TECPR2: variants seen among roughly 807,000 people sequenced by gnomAD.
TECPR2 encodes the protein tectonin beta-propeller repeat containing 2, also known as tectonin beta-propeller repeat-containing protein 2.
Under a neutral mutation model 138.1 loss-of-function variants are expected in TECPR2, and 65 were observed. The ratio of observed to expected loss-of-function variants is 0.47; its 90% confidence interval spans 0.39 to 0.58. TECPR2 has a LOEUF of 0.58. TECPR2 is among the 20% of genes least tolerant of loss of function. The probability of loss-of-function intolerance (pLI) is 0.00; values close to 1 mark genes in which losing one functional copy is unlikely to be tolerated. For synonymous variants in TECPR2, 746 were observed against 749.8 expected (o/e 0.99, Z 0.08); for missense variants, 1,553 against 1,824.5 (o/e 0.85, Z 2.71).
At chr14:102,433,330 T>C (rs1355067161) in intron 8 of TECPR2, among the ~76,000 whole-genome samples, 2 of 152,038 alleles carry the variant, frequency 1.3e-5, no homozygotes, top group Non-Finnish European at 2.9e-5. Context: ...AGGTCCACAG[T>C]GTCTGTCCTT....
In TECPR2 at chr14:102,414,786, A is replaced by C; in HGVS notation, c.631A>C (p.Arg211=). 1.2e-6 allele frequency: 2 copies of C among 1,614,120 alleles called. No individual in the cohort carries two copies. Among genetic ancestry groups the C allele is most frequent in the African/African-American group, 2.7e-5 (2 of 75,052 alleles). ...TGTAAGGCAAATTGGAACACAACCA[A>C]GGAAAAGGTAAGTTTCACAAGTTTG... ...KSVRQIGTQP[R]KSTGKFGACF... is the part of the protein sequence containing the mutation. The change falls in exon 5 of 20, where the codon AGG becomes CGG. Residue 211 remains arginine, a synonymous_variant. Transcript: ENST00000359520.
At position 102,420,499 on chromosome 14, in the gene TECPR2, G is replaced by T. The variant is rs1480690672; in HGVS notation, c.639-4480G>T. On this transcript the variant is annotated intron_variant, in intron 5 of 19. Coordinates refer to ENST00000359520, the MANE Select transcript of TECPR2 (RefSeq NM_014844.5). This position sits in a 1 kb window ranked among gnomAD's most constrained non-coding sequence, Gnocchi z 4.1. ...GTTCTTTTTATTTTTTAGAGACAGG[G>T]TCTTGCTGTGTCACCAAGGCTGGGG... 1.3e-5 allele frequency among the ~76,000 whole-genome samples: 2 copies of T among 152,052 alleles called. No homozygotes were observed. The highest frequency in any genetic ancestry group is 1.9e-4 in the East Asian group (1 of 5,188).
chr14:102,432,521 A>G (rs1190543), intron 8 of TECPR2, among the ~76,000 whole-genome samples: 111,418 of 151,796 alleles, frequency 0.73, 41,294 homozygotes, highest in Middle Eastern at 0.78. Flanking sequence ...GAGTTCAAGC[A>G]ATTCTCCTGC....
chr14:102,449,797 G>A lies in TECPR2; in HGVS notation c.3244G>A (p.Gly1082Arg), dbSNP rs757779474. The A allele has an allele frequency of 3.6e-5, 58 of 1,614,070 alleles. No individual in the cohort carries two copies. Among genetic ancestry groups the A allele is most frequent in the Non-Finnish European group, 4.6e-5 (54 of 1,180,052 alleles). ...GCTTCAGTGCCAGCCAAGCCTTCTC[G>A]GGGTCAATAACAGCGGTGTCTGGAT... Reference protein sequence around the residue: ...QQLQCQPSLLGVNNSGVWISS... With the variant: ...QQLQCQPSLLRVNNSGVWISS... Residue 1082 changes from glycine to arginine, a missense_variant, in exon 14 of 20, where the codon GGG (glycine) becomes AGG (arginine). By Grantham distance (125) the Gly-to-Arg change is moderately radical. Transcript: ENST00000359520.
chr14:102,381,196 G>A (rs1887804631), intron 2 of TECPR2, among the ~76,000 whole-genome samples: 1 of 151,712 alleles, frequency 6.6e-6, no homozygotes, highest in Non-Finnish European at 1.5e-5. Context: ...CCTGATGTCA[G>A]GTGATCCACT....
At chr14:102,464,758 A>AT (rs1215336869) in intron 16 of TECPR2, among the ~76,000 whole-genome samples, 1 of 152,196 alleles carries the variant, frequency 6.6e-6, no homozygotes, top group Non-Finnish European at 1.5e-5. Flanking sequence ...ATTTGCTGGC[A>AT]TTAGTCACAT....
intron 1 of TECPR2, among the ~76,000 whole-genome samples, chr14:102,373,437 T>G (rs1470618461): frequency 6.6e-6 from 1 of 152,216 alleles, no homozygotes; most frequent in Non-Finnish European, 1.5e-5. Flanking sequence ...TAAAATAGGC[T>G]TTGATTAGAT....
rs1045748934 is a variant in TECPR2 at position 102,501,167 on chromosome 14, A to C, written c.*2910A>C. On this transcript the variant is annotated 3_prime_UTR_variant, in exon 20 of 20. Transcript: ENST00000359520. Reference sequence around the variant, plus strand: ...GGGAGCAGAATGGAGAGGGCATCTCAGATGCGCTTAAGGAGCGGCGGGGGC... The same window carrying C: ...GGGAGCAGAATGGAGAGGGCATCTCCGATGCGCTTAAGGAGCGGCGGGGGC... 1 of 152,200 alleles carries C rather than the reference A, an allele frequency of 6.6e-6. No homozygotes were observed. Among genetic ancestry groups the C allele is most frequent in the African/African-American group, 2.4e-5 (1 of 41,446 alleles). 9.4% of individuals were successfully genotyped at this position (152,200 alleles called of 1,614,324 possible).
At chr14:102,453,479 CAA>C (rs970469094) in intron 16 of TECPR2, among the ~76,000 whole-genome samples, 13 of 124,238 alleles carry the variant, frequency 1.0e-4, no homozygotes, top group Non-Finnish European at 1.0e-4. Flanking sequence ...GATTCTGTTT[CAA>C]AAAAAAAAAA....
chr14:102,458,478 C>T (rs572055103), intron 16 of TECPR2, among the ~76,000 whole-genome samples: 26 of 152,312 alleles, frequency 1.7e-4, no homozygotes, highest in African/African-American at 5.5e-4. Flanking sequence ...TTTGGTGTGG[C>T]ACCCAGGGTC....
At chr14:102,405,474 C>T (rs1044983660) in intron 2 of TECPR2, among the ~76,000 whole-genome samples, 4 of 152,004 alleles carry the variant, frequency 2.6e-5, no homozygotes, top group African/African-American at 9.7e-5. Flanking sequence ...AACTATACCC[C>T]ACACCCATTA....
At chr14:102,480,781 A>G (rs957581731) in intron 17 of TECPR2, among the ~76,000 whole-genome samples, 2 of 150,798 alleles carry the variant, frequency 1.3e-5, no homozygotes, top group South Asian at 4.2e-4. Context: ...CAGCCTCCCA[A>G]AGTGCTGGGA....
chr14:102,490,480 G>A (rs1488066783), intron 17 of TECPR2, among the ~76,000 whole-genome samples: 3 of 152,196 alleles, frequency 2.0e-5, no homozygotes, highest in South Asian at 2.1e-4. Flanking sequence ...AGCAACCCCC[G>A]AGTTTGCCAA....
intron 17 of TECPR2, among the ~76,000 whole-genome samples, chr14:102,494,597 G>A (rs1378871532): frequency 6.6e-6 from 1 of 151,770 alleles, no homozygotes; most frequent in African/African-American, 2.4e-5. Flanking sequence ...GGAGGCCGAG[G>A]TGGGCGGATC....
At chr14:102,488,799 A>G (rs1856256210) in intron 17 of TECPR2, among the ~76,000 whole-genome samples, 1 of 152,076 alleles carries the variant, frequency 6.6e-6, no homozygotes, top group South Asian at 2.1e-4. Flanking sequence ...AAATTGTGAT[A>G]AAATACACAT....
At chr14:102,367,425 C>T (rs572747409) in intron 1 of TECPR2, among the ~76,000 whole-genome samples, 15 of 152,268 alleles carry the variant, frequency 9.9e-5, no homozygotes, top group African/African-American at 2.4e-4. Context: ...CCCTTCTTCT[C>T]CCAGCCCTGG....
chr14:102,372,132 G>A (rs927697674), intron 1 of TECPR2, among the ~76,000 whole-genome samples: 1 of 152,044 alleles, frequency 6.6e-6, no homozygotes, highest in Non-Finnish European at 1.5e-5. Context: ...TGTATTTTTT[G>A]CAGAGTCAGG....
At chr14:102,472,181 C>T (rs1890666379) in intron 17 of TECPR2, among the ~76,000 whole-genome samples, 1 of 152,222 alleles carries the variant, frequency 6.6e-6, no homozygotes, top group African/African-American at 2.4e-5. Context: ...CGATCTCAGT[C>T]CTCAGTGGGG....
At chr14:102,475,199 A>G (rs1479035677) in intron 17 of TECPR2, among the ~76,000 whole-genome samples, 1 of 152,210 alleles carries the variant, frequency 6.6e-6, no homozygotes, top group Non-Finnish European at 1.5e-5. Context: ...GCACTGGTAC[A>G]AGAAAGGCAA....
Sources: gnomAD v4.1 joint callset for allele counts (sites outside exome capture counted in the v4.1 genomes callset) on GRCh38, gnomAD v4.1.1 for gene constraint, Gnocchi (gnomAD v3.1) non-coding constraint, MANE v1.5 for transcripts, NCBI Gene and HGNC (gene_info 2026-07-23, HGNC 2026-07-21) for gene names.